Variants in IP6K1 observed in about 807,000 individuals in gnomAD.
IP6K1 encodes the protein ATP:1D-myo-inositol-hexakisphosphate phosphotransferase.
IP6K1 carries 13 observed loss-of-function variants against 38.3 expected under a neutral mutation model. The observed-to-expected ratio is 0.34, with a 90% CI of 0.22 to 0.54. IP6K1 has a LOEUF of 0.54. IP6K1 is among the 20% of genes least tolerant of loss of function. The probability of loss-of-function intolerance (pLI) is 0.92; values close to 1 mark genes in which losing one functional copy is unlikely to be tolerated. For missense variants in IP6K1, 397 were observed against 599.8 expected (o/e 0.66, Z 3.53); for synonymous variants, 212 against 229.9 (o/e 0.92, Z 0.70).
At chr3:49,751,858 A>C (rs946876062) in intron 1 of IP6K1, among the ~76,000 whole-genome samples, 1 of 152,240 alleles carries the variant, frequency 6.6e-6, no homozygotes. Flanking sequence ...AAATGGAAAG[A>C]AATTTTTACT....
intron 1 of IP6K1, among the ~76,000 whole-genome samples, chr3:49,782,878 G>A (rs2081078558): frequency 1.3e-5 from 2 of 150,660 alleles, no homozygotes; most frequent in Admixed American, 1.3e-4. Flanking sequence ...GGGAGGCCAA[G>A]GTGGGTGGAT....
Position 49,727,973 on chromosome 3 carries a change from C to A in IP6K1, c.792+130G>T. 1.1e-6 allele frequency: 1 copy of A among 882,294 alleles called. No homozygotes were observed. Among genetic ancestry groups the A allele is most frequent in the Non-Finnish European group, 1.8e-6 (1 of 564,272 alleles). The allele number at this position is 882,294 out of a possible 1,614,324, so 54.7% of individuals were successfully genotyped here. On this transcript the variant is annotated intron_variant, in intron 5 of 5. Coordinates refer to ENST00000321599, the MANE Select transcript of IP6K1 (RefSeq NM_153273.4). The surrounding 1 kb of genome is among the most constrained non-coding windows in gnomAD (Gnocchi z 5.9). ...CTCACAGTGGTCCTGCACCTGAGGC[C>A]CATATCAAAGTCAACAGGTAAGGAC...
At chr3:49,779,836 C>T (rs527289831) in intron 1 of IP6K1, among the ~76,000 whole-genome samples, 3 of 152,088 alleles carry the variant, frequency 2.0e-5, no homozygotes, top group Non-Finnish European at 2.9e-5. Flanking sequence ...CAGGTGAATG[C>T]CACTATGCTC....
intron 1 of IP6K1, among the ~76,000 whole-genome samples, chr3:49,776,808 C>A (rs915661887): frequency 6.6e-5 from 10 of 152,120 alleles, no homozygotes; most frequent in South Asian, 2.1e-4. Context: ...AATATGATTC[C>A]ATTTATGTGA....
At chr3:49,758,336 A>T (rs985916774) in intron 1 of IP6K1, 5 of 150,572 alleles carry the variant, frequency 3.3e-5, no homozygotes, top group Non-Finnish European at 7.4e-5. Flanking sequence ...AAAAAAAAAA[A>T]GGTTACTAGC....
intron 1 of IP6K1, among the ~76,000 whole-genome samples, chr3:49,783,008 T>G (rs2081079973): frequency 6.7e-6 from 1 of 149,028 alleles, no homozygotes; most frequent in African/African-American, 2.5e-5. Flanking sequence ...TAGTCCCAGC[T>G]ACTCGGGAGG....
intron 1 of IP6K1, among the ~76,000 whole-genome samples, chr3:49,755,620 T>C (rs559481870): frequency 2.0e-5 from 3 of 152,106 alleles, no homozygotes; most frequent in African/African-American, 7.2e-5. Context: ...AACTGATAAG[T>C]CACTCTAACA....
rs746238797 is a variant in IP6K1 at position 49,738,276 on chromosome 3, G to C, written c.370C>G (p.Arg124Gly). 1.2e-6 allele frequency: 2 copies of C among 1,614,220 alleles called. No individual in the cohort carries two copies. The highest frequency in any genetic ancestry group is 1.7e-6 in the Non-Finnish European group (2 of 1,180,028). Residue 124 changes from arginine to glycine, a missense_variant, in exon 3 of 6, where the codon CGG becomes GGG. By Grantham distance (125) the Arg-to-Gly change is moderately radical. Transcript: ENST00000321599. Reference sequence around the variant, plus strand: ...TTGTGGTCACTGCCACTGCCTGACCGGTGCAGGCTCCGGCGGGAGTGTTTG... The same window carrying C: ...TTGTGGTCACTGCCACTGCCTGACCCGTGCAGGCTCCGGCGGGAGTGTTTG... ...RRKHSRRSLH[R>G]SGSGSDHKEE...
Position 49,755,719 on chromosome 3 carries a change from G to A in IP6K1, c.-128-7551C>T, listed in dbSNP as rs932086749. Among the ~76,000 whole-genome samples the A allele has an allele frequency of 2.5e-4, 38 of 152,164 alleles. 1 individual carries two copies. The highest frequency in any genetic ancestry group is 2.5e-3 in the Admixed American group (38 of 15,248). On this transcript the variant is annotated intron_variant, in intron 1 of 5. Coordinates refer to ENST00000321599, the MANE Select transcript of IP6K1 (RefSeq NM_153273.4). ...TTAATTTCAGAAATAAAAAAGCATT[G>A]ACATGGACTTTGACAGGAAAAGATA...
rs1398459108 is a variant in IP6K1 at position 49,724,356 on chromosome 3, C to A, written c.*2766G>T. 6.6e-6 allele frequency: 1 copy of A among 152,328 alleles called. No individual in the cohort carries two copies. The highest frequency in any genetic ancestry group is 1.5e-5 in the Non-Finnish European group (1 of 68,080). 9.4% of individuals were successfully genotyped at this position (152,328 alleles called of 1,614,324 possible). A position where few individuals can be genotyped will look rare whatever the true frequency, so the allele number is the denominator to read the frequency against. On this transcript the variant is annotated 3_prime_UTR_variant, in exon 6 of 6. Transcript: ENST00000321599. ...TCAGACACAAGCGGGGCGGGCAGCG[C>A]TAGGTGTACAGAAAGGAGCGGGCTC...
chr3:49,763,978 C>T (rs1351881399), intron 1 of IP6K1, among the ~76,000 whole-genome samples: 6 of 151,978 alleles, frequency 3.9e-5, no homozygotes, highest in South Asian at 2.1e-4. Context: ...GTCAAGATCA[C>T]GCCACTGCAC....
At chr3:49,778,802 T>C (rs2081041079) in intron 1 of IP6K1, among the ~76,000 whole-genome samples, 1 of 152,076 alleles carries the variant, frequency 6.6e-6, no homozygotes. Context: ...ATTTTTTTAT[T>C]TTTTGTATCG....
intron 1 of IP6K1, among the ~76,000 whole-genome samples, chr3:49,777,681 G>A (rs746989236): frequency 7.6e-4 from 115 of 151,002 alleles, no homozygotes; most frequent in Non-Finnish European, 1.3e-3. Flanking sequence ...TTGGGAAGCC[G>A]AGATGGGCGG....
At chr3:49,765,278 C>T (rs373502021) in intron 1 of IP6K1, among the ~76,000 whole-genome samples, 1 of 151,916 alleles carries the variant, frequency 6.6e-6, no homozygotes, top group African/African-American at 2.4e-5. Flanking sequence ...TGAAGGGACA[C>T]CAGACAGTAG....
At chr3:49,762,623 A>G (rs1321714478) in intron 1 of IP6K1, among the ~76,000 whole-genome samples, 1 of 152,144 alleles carries the variant, frequency 6.6e-6, no homozygotes, top group Non-Finnish European at 1.5e-5. Context: ...CTGCGATCAA[A>G]AATCTTTCCA....
At chr3:49,730,527 T>C (rs184634380) in intron 4 of IP6K1, among the ~76,000 whole-genome samples, 2 of 152,292 alleles carry the variant, frequency 1.3e-5, no homozygotes, top group African/African-American at 4.8e-5. Flanking sequence ...TAGGAATCTT[T>C]AGAAAAAGCT....
intron 1 of IP6K1, among the ~76,000 whole-genome samples, chr3:49,774,407 CAAAAAAAA>C (rs777187857): frequency 4.5e-5 from 2 of 44,286 alleles, no homozygotes; most frequent in African/African-American, 6.8e-5. Flanking sequence ...GACTCCATCT[CAAAAAAAA>C]AAAAAAAAAA....
chr3:49,743,628 T>G (rs944631562), intron 2 of IP6K1, among the ~76,000 whole-genome samples: 6 of 150,250 alleles, frequency 4.0e-5, no homozygotes, highest in Non-Finnish European at 7.4e-5. Flanking sequence ...TGTTTTTTTT[T>G]TTTTTTTGAG....
At chr3:49,765,210 T>C (rs1368294205) in intron 1 of IP6K1, among the ~76,000 whole-genome samples, 1 of 151,262 alleles carries the variant, frequency 6.6e-6, no homozygotes, top group Non-Finnish European at 1.5e-5. Context: ...ACTAAGGGAG[T>C]TGCTAACTAC....
Sources: allele counts gnomAD v4.1 joint callset (sites outside exome capture counted in the v4.1 genomes callset), GRCh38; gene constraint gnomAD v4.1.1; non-coding constraint Gnocchi (gnomAD v3.1); transcripts MANE v1.5; gene names NCBI Gene and HGNC (gene_info 2026-07-23, HGNC 2026-07-21).